The following PLCG2 variants were observed in gnomAD, a reference collection of about 807,000 sequenced individuals.
The protein encoded by PLCG2 is phospholipase C gamma 2, also known as 1-phosphatidylinositol 4,5-bisphosphate phosphodiesterase gamma-2.
A neutral mutation model predicts 175.6 loss-of-function variants in PLCG2; 69 were observed. The observed-to-expected ratio is 0.39, with a 90% CI of 0.32 to 0.48. PLCG2 has a LOEUF of 0.48. Among genes scored for constraint, PLCG2 ranks in the 20% least tolerant of loss-of-function variants. The pLI is 0.91. For missense variants in PLCG2, 1,798 were observed against 1,650.9 expected, an observed-to-expected ratio of 1.09 and a Z score of -1.54; for synonymous variants, 827 against 624.0, an observed-to-expected ratio of 1.33 and a Z score of -4.85.
chr16:81,824,335 C>T (rs1361799320), intron 2 of PLCG2, among the ~76,000 whole-genome samples: 3 of 152,000 alleles, frequency 2.0e-5, no homozygotes, highest in Admixed American at 6.6e-5. Flanking sequence ...GGTTTCACCA[C>T]GTTGGCCAGG....
intron 2 of PLCG2, among the ~76,000 whole-genome samples, chr16:81,854,161 T>A (rs1906562566): frequency 6.6e-6 from 1 of 152,162 alleles, no homozygotes; most frequent in Non-Finnish European, 1.5e-5. Context: ...AAAAATTAAT[T>A]GTCCTAGTTT....
chr16:81,821,285 A>C (rs1249304001), intron 2 of PLCG2, among the ~76,000 whole-genome samples: 1 of 152,278 alleles, frequency 6.6e-6, no homozygotes, highest in Non-Finnish European at 1.5e-5. Context: ...CAGATGCTAA[A>C]TATCATAGTA....
intron 30 of PLCG2, among the ~76,000 whole-genome samples, chr16:81,944,413 A>AT: frequency 6.6e-6 from 1 of 152,296 alleles, no homozygotes; most frequent in African/African-American, 2.4e-5. Flanking sequence ...AAGTAATCTA[A>AT]TTTAAAGGAT....
rs4485360 is a variant in PLCG2 at position 81,923,322 on chromosome 16, C to G, written c.2308-163C>G. 1 allele frequency: 561,441 copies of G among 563,028 alleles called. 279,960 individuals carry two copies. The highest frequency in any genetic ancestry group is 1 in the East Asian group (34,732 of 34,732). The allele number at this position is 563,028 out of a possible 1,614,324, so 34.9% of individuals were successfully genotyped here. ...CTCCCTGGTGGCTTTTTGGGGCCTTCGATCCTTTGCAATGCCAGTCCCTCT... is the reference window on the plus strand; with the variant it reads ...CTCCCTGGTGGCTTTTTGGGGCCTTGGATCCTTTGCAATGCCAGTCCCTCT... On this transcript the variant is annotated intron_variant, in intron 21 of 32. Transcript: ENST00000564138.
In PLCG2 at chr16:81,962,393, A is replaced by G; in HGVS notation, c.*4395A>G. ...GAAAATTGGCATTTAAAAATACTCA[A>G]TAATTTGTCCCTGGTTTTTAATTTT... On this transcript the variant is annotated 3_prime_UTR_variant, in exon 33 of 33. Transcript: ENST00000564138. 4.7e-6 allele frequency: 1 copy of G among 211,974 alleles called. No homozygotes were observed. The highest frequency in any genetic ancestry group is 7.2e-5 in the East Asian group (1 of 13,822). 13.1% of individuals were successfully genotyped at this position (211,974 alleles called of 1,614,324 possible). A position where few individuals can be genotyped will look rare whatever the true frequency, so the allele number is the denominator to read the frequency against.
intron 1 of PLCG2, chr16:81,783,002 C>T (rs908931622): frequency 2.4e-6 from 1 of 416,602 alleles, no homozygotes; most frequent in Non-Finnish European, 4.7e-6. Flanking sequence ...GTGTTTATGG[C>T]TGAGTTGATC....
chr16:81,872,276 C>T (rs952574235), intron 7 of PLCG2, among the ~76,000 whole-genome samples: 3 of 152,198 alleles, frequency 2.0e-5, no homozygotes, highest in South Asian at 4.1e-4. Context: ...TGCAGTGAGC[C>T]GAGATTGCAC....
intron 1 of PLCG2, among the ~76,000 whole-genome samples, chr16:81,753,352 T>G (rs1909852686): frequency 1.3e-5 from 2 of 150,952 alleles, no homozygotes; most frequent in African/African-American, 4.9e-5. Context: ...GTTTTTTTTT[T>G]TTTTTTTTTT....
At chr16:81,803,075 C>G (rs1323832015) in intron 2 of PLCG2, among the ~76,000 whole-genome samples, 1 of 150,066 alleles carries the variant, frequency 6.7e-6, no homozygotes, top group Non-Finnish European at 1.5e-5. Context: ...GTTTCCTATT[C>G]TGGACATTTC....
chr16:81,855,755 A>G (rs1008343212), intron 3 of PLCG2, among the ~76,000 whole-genome samples: 3 of 152,176 alleles, frequency 2.0e-5, no homozygotes, highest in African/African-American at 7.2e-5. Flanking sequence ...TTGAGGCTTC[A>G]GTAGGAGTTT....
intron 2 of PLCG2, among the ~76,000 whole-genome samples, chr16:81,818,883 ATTTTT>A (rs57346304): frequency 2.6e-4 from 28 of 106,594 alleles, no homozygotes; most frequent in Non-Finnish European, 1.8e-4. Context: ...GGGCTCATGG[ATTTTT>A]TTTTTTTTTT....
intron 7 of PLCG2, among the ~76,000 whole-genome samples, chr16:81,877,887 A>G (rs895840066): frequency 6.9e-6 from 1 of 143,990 alleles, no homozygotes; most frequent in African/African-American, 2.6e-5. Flanking sequence ...TGTAGATGTC[A>G]TTGTGCCAGT....
At chr16:81,834,337 C>T (rs1446681461) in intron 2 of PLCG2, among the ~76,000 whole-genome samples, 1 of 152,116 alleles carries the variant, frequency 6.6e-6, no homozygotes, top group Non-Finnish European at 1.5e-5. Context: ...CTGCTGGCTG[C>T]TGGCAGAATT....
intron 1 of PLCG2, among the ~76,000 whole-genome samples, chr16:81,752,619 C>T (rs1909835323): frequency 6.6e-6 from 1 of 152,180 alleles, no homozygotes; most frequent in Admixed American, 6.5e-5. Flanking sequence ...GAGGTGGTCC[C>T]CTTAGCTCCC....
chr16:81,914,637 G>C (rs1472264309), intron 19 of PLCG2, among the ~76,000 whole-genome samples: 1 of 152,200 alleles, frequency 6.6e-6, no homozygotes, highest in Non-Finnish European at 1.5e-5. Flanking sequence ...CCTGTGCTGG[G>C]CTCCAGAGAT....
At chr16:81,899,598 G>A (rs562950713) in intron 13 of PLCG2, among the ~76,000 whole-genome samples, 3 of 152,244 alleles carry the variant, frequency 2.0e-5, no homozygotes, top group South Asian at 2.1e-4. Flanking sequence ...TTCAACAAGT[G>A]TCCTCACCAT....
rs1027630327 is a variant in PLCG2, at chr16:81,820,951, C to G, written c.194-33493C>G. ...TTGTGTTTTTAGTAGAGATGGGGGC[C>G]TCATCATGTTGGCTAGGCTGGTCTA... On this transcript the variant is annotated intron_variant, in intron 2 of 32. Transcript: ENST00000564138. Among the ~76,000 whole-genome samples, 3 of 146,366 alleles carry G rather than the reference C, an allele frequency of 2.0e-5. No individual in the cohort carries two copies. The Admixed American group carries it at 2.1e-4, about 10-fold the overall frequency.
At chr16:81,843,419 A>G (rs569958600) in intron 2 of PLCG2, among the ~76,000 whole-genome samples, 1 of 152,320 alleles carries the variant, frequency 6.6e-6, no homozygotes, top group African/African-American at 2.4e-5. Context: ...GGAGAGGAAC[A>G]TTTTTGGATT....
intron 27 of PLCG2, chr16:81,937,328 T>G (rs1165247274): frequency 6.5e-6 from 1 of 152,856 alleles, no homozygotes. Context: ...AACCAGTTTT[T>G]CCCTCATTTA....
Sources: allele counts gnomAD v4.1 joint callset (sites outside exome capture counted in the v4.1 genomes callset), GRCh38; gene constraint gnomAD v4.1.1; transcripts MANE v1.5; gene names NCBI Gene and HGNC (gene_info 2026-07-23, HGNC 2026-07-21).